Variants in CRB1 observed in about 807,000 individuals in gnomAD.
CRB1 encodes the protein crumbs cell polarity complex component 1, also known as protein crumbs homolog 1.
A neutral mutation model predicts 120.0 loss-of-function variants in CRB1; 83 were observed. The observed-to-expected ratio is 0.69, with a 90% confidence interval of 0.58 to 0.83. CRB1 has a LOEUF of 0.83. Ranked by LOEUF, CRB1 falls within the 40% of genes least tolerant of loss-of-function variation. CRB1 has a pLI of 0.00. For missense variants in CRB1, 1,699 were observed against 1,687.6 expected, an observed-to-expected ratio of 1.01 and a Z score of -0.12; for synonymous variants, 625 against 612.5, an observed-to-expected ratio of 1.02 and a Z score of -0.30.
chr1:197,387,033 C>G (rs1662251452), intron 5 of CRB1, among the ~76,000 whole-genome samples: 1 of 152,114 alleles, frequency 6.6e-6, no homozygotes, highest in Non-Finnish European at 1.5e-5. Flanking sequence ...CTCGCTTTCT[C>G]TCACTCAACA....
intron 1 of CRB1, among the ~76,000 whole-genome samples, chr1:197,291,031 A>T (rs986973017): frequency 1.3e-5 from 2 of 151,858 alleles, no homozygotes; most frequent in Non-Finnish European, 2.9e-5. Flanking sequence ...TCTCGATTTT[A>T]TACTTATATG....
chr1:197,475,238 A>G (rs1282889594), intron 11 of CRB1, among the ~76,000 whole-genome samples: 1 of 152,182 alleles, frequency 6.6e-6, no homozygotes, highest in Non-Finnish European at 1.5e-5. Flanking sequence ...ACCTAAGACC[A>G]GCTTTTCCCA....
chr1:197,455,537 A>G (rs1488714355), intron 11 of CRB1, among the ~76,000 whole-genome samples: 1 of 152,088 alleles, frequency 6.6e-6, no homozygotes, highest in Non-Finnish European at 1.5e-5. Context: ...TTTCTTTTAT[A>G]ACTTACATTG....
intron 9 of CRB1, among the ~76,000 whole-genome samples, chr1:197,437,039 T>C (rs558307222): frequency 9.2e-5 from 14 of 152,262 alleles, no homozygotes; most frequent in African/African-American, 2.6e-4. Flanking sequence ...AGTATTTCCA[T>C]GTAAGAAGTT....
chr1:197,464,525 G>T (rs1284926598), intron 11 of CRB1, among the ~76,000 whole-genome samples: 18 of 152,060 alleles, frequency 1.2e-4, no homozygotes, highest in African/African-American at 3.9e-4. Context: ...ATGGGAAAAA[G>T]TAGAGAGAGT....
intron 11 of CRB1, among the ~76,000 whole-genome samples, chr1:197,455,042 G>T (rs767385093): frequency 2.3e-4 from 35 of 152,124 alleles, no homozygotes; most frequent in Non-Finnish European, 5.0e-4. Context: ...TTATGACAAG[G>T]TTGGCCATAT....
chr1:197,291,925 G>A (rs1271775887), intron 1 of CRB1, among the ~76,000 whole-genome samples: 2 of 151,972 alleles, frequency 1.3e-5, no homozygotes, highest in Admixed American at 6.6e-5. Context: ...GCAGTGTGTA[G>A]AGGGAAATAT....
chr1:197,300,503 T>C (rs537823210), intron 1 of CRB1, among the ~76,000 whole-genome samples: 1 of 150,768 alleles, frequency 6.6e-6, no homozygotes, highest in Non-Finnish European at 1.5e-5. Flanking sequence ...TCTCCTCAAT[T>C]CTATGAAGGC....
rs976563561 is a variant in CRB1, at chr1:197,412,925, C to T, written c.1172-8075C>T. On this transcript the variant is annotated intron_variant, in intron 5 of 11. Transcript: ENST00000367400. ...AACTTATCTGACCTCAGTTACCTGG[C>T]GATTATTTTTTTTAACTTGGCATAC... Among the ~76,000 whole-genome samples the T allele has an allele frequency of 3.9e-5, 6 of 152,112 alleles. No homozygotes were observed. In the East Asian group the frequency reaches 5.8e-4, roughly 15 times the overall value.
chr1:197,347,511 T>G, intron 4 of CRB1, 32 bp downstream of exon 4: 1 of 1,611,128 alleles, frequency 6.2e-7, no homozygotes, highest in Non-Finnish European at 8.5e-7. Context: ...ACCAATTATT[T>G]TTCATTTGTT....
intron 1 of CRB1, among the ~76,000 whole-genome samples, chr1:197,306,114 T>G (rs1657159543): frequency 1.3e-5 from 2 of 151,978 alleles, no homozygotes; most frequent in South Asian, 4.2e-4. Context: ...ATAGGTCAGA[T>G]CCAGGAAAGG....
chr1:197,283,171 A>G (rs563374448), intron 1 of CRB1, among the ~76,000 whole-genome samples: 7 of 151,898 alleles, frequency 4.6e-5, no homozygotes, highest in Non-Finnish European at 1.0e-4. Flanking sequence ...ACAATATGCA[A>G]TTTGTGGTGT....
intron 1 of CRB1, among the ~76,000 whole-genome samples, chr1:197,278,420 A>G (rs1655342527): frequency 6.6e-6 from 1 of 151,962 alleles, no homozygotes; most frequent in South Asian, 2.1e-4. Context: ...CACTTAGTCT[A>G]TGATAGTTTG....
the CRB1 span, among the ~76,000 whole-genome samples, chr1:197,258,921 C>G: frequency 6.6e-6 from 1 of 152,158 alleles, no homozygotes; most frequent in Admixed American, 6.6e-5. Flanking sequence ...TAAGGTTATT[C>G]AGATACTGAA....
chr1:197,236,776 T>G, the CRB1 span, among the ~76,000 whole-genome samples: 1 of 152,334 alleles, frequency 6.6e-6, no homozygotes, highest in Middle Eastern at 3.4e-3. Context: ...AACAATATGA[T>G]TTTTCTTCTA....
intron 3 of CRB1, among the ~76,000 whole-genome samples, chr1:197,346,038 T>A (rs1416588653): frequency 1.3e-5 from 2 of 152,104 alleles, no homozygotes; most frequent in Admixed American, 6.5e-5. Context: ...CATACTTCAC[T>A]GTTTCCAGAA....
Position 197,478,129 on chromosome 1 carries a change from A to T in CRB1, c.*250A>T. 2.0e-6 allele frequency: 1 copy of T among 509,806 alleles called. No individual in the cohort carries two copies. The highest frequency in any genetic ancestry group is 3.6e-6 in the Non-Finnish European group (1 of 281,344). The allele number at this position is 509,806 out of a possible 1,614,324, so 31.6% of individuals were successfully genotyped here. On this transcript the variant is annotated 3_prime_UTR_variant, in exon 12 of 12. Transcript: ENST00000367400. ...TTTCAGCCTTATAATTAGCAAAAACATCTTCCAGAGAATAAAGTCTTCTGT... is the reference window on the plus strand; with the variant it reads ...TTTCAGCCTTATAATTAGCAAAAACTTCTTCCAGAGAATAAAGTCTTCTGT...
At chr1:197,371,686 A>T (rs549920441) in intron 5 of CRB1, among the ~76,000 whole-genome samples, 3 of 152,122 alleles carry the variant, frequency 2.0e-5, no homozygotes, top group African/African-American at 7.2e-5. Context: ...GTTTACATGA[A>T]TTACCCTTGC....
chr1:197,216,144 A>C, the CRB1 span, among the ~76,000 whole-genome samples: 1 of 151,946 alleles, frequency 6.6e-6, no homozygotes, highest in Admixed American at 6.6e-5. Context: ...TTACCACTTT[A>C]CCCCCATTTT....
Sources: gnomAD v4.1 joint callset for allele counts (sites outside exome capture counted in the v4.1 genomes callset) on GRCh38, gnomAD v4.1.1 for gene constraint, MANE v1.5 for transcripts, NCBI Gene and HGNC (gene_info 2026-07-23, HGNC 2026-07-21) for gene names.